CLMP: variants seen among roughly 807,000 people sequenced by gnomAD.
The protein encoded by CLMP is CXADR like cell adhesion molecule, also known as CXADR-like membrane protein.
Under a neutral mutation model 45.2 loss-of-function variants are expected in CLMP, and 27 were observed. That is an observed-to-expected ratio of 0.60 (90% CI 0.44 to 0.82). The LOEUF (loss-of-function observed/expected upper bound fraction) is 0.82, where lower values mean the gene tolerates loss of function less well. Ranked by LOEUF, CLMP falls within the 40% of genes least tolerant of loss-of-function variation. The pLI is 0.00. For missense variants in CLMP, 403 were observed against 448.4 expected (o/e 0.90, Z 0.91); for synonymous variants, 167 against 171.4 (o/e 0.97, Z 0.20).
intron 1 of CLMP, among the ~76,000 whole-genome samples, chr11:123,114,424 T>TTCCCTCCCTCCCCCCC (rs1860690359): frequency 8.0e-6 from 1 of 124,864 alleles, no homozygotes; most frequent in Non-Finnish European, 1.7e-5. Context: ...TGCATTTTCT[T>TTCCCTCCCTCCCCCCC]TCCCTCCCTC....
chr11:123,101,349 C>T (rs562491997), intron 1 of CLMP, among the ~76,000 whole-genome samples: 15 of 152,300 alleles, frequency 9.8e-5, no homozygotes, highest in Non-Finnish European at 2.1e-4. Flanking sequence ...TCAGGTGATC[C>T]GCCTGCCTCG....
intron 1 of CLMP, among the ~76,000 whole-genome samples, chr11:123,146,162 C>A (rs564770390): frequency 6.6e-6 from 1 of 152,292 alleles, no homozygotes; most frequent in South Asian, 2.1e-4. Flanking sequence ...CTCCAGGCAT[C>A]ATTTCTTCTC....
intron 1 of CLMP, among the ~76,000 whole-genome samples, chr11:123,146,386 A>T (rs1861238158): frequency 1.3e-5 from 2 of 152,164 alleles, no homozygotes; most frequent in Admixed American, 1.3e-4. Flanking sequence ...GCACATGTAC[A>T]CACTCAATAA....
At chr11:123,131,788 G>C (rs1274370602) in intron 1 of CLMP, among the ~76,000 whole-genome samples, 6 of 151,916 alleles carry the variant, frequency 3.9e-5, no homozygotes, top group Admixed American at 3.9e-4. Flanking sequence ...GCTAATTTTT[G>C]TATTTTTAGT....
At chr11:123,087,031 T>A (rs1018615608) in intron 2 of CLMP, among the ~76,000 whole-genome samples, 2 of 151,826 alleles carry the variant, frequency 1.3e-5, no homozygotes, top group African/African-American at 4.8e-5. Flanking sequence ...CTGTCTCTAC[T>A]AAAAAATACA....
intron 1 of CLMP, among the ~76,000 whole-genome samples, chr11:123,116,157 G>C (rs146518384): frequency 1.1e-3 from 167 of 151,830 alleles, no homozygotes; most frequent in African/African-American, 3.6e-3. Context: ...CTCTGCTGCC[G>C]TATTCTACTT....
At chr11:123,087,154 A>G (rs1565378642) in intron 2 of CLMP, among the ~76,000 whole-genome samples, 2 of 152,272 alleles carry the variant, frequency 1.3e-5, no homozygotes, top group East Asian at 3.9e-4. Context: ...CCTGACCAAC[A>G]TGGTGAAACC....
intron 1 of CLMP, among the ~76,000 whole-genome samples, chr11:123,104,921 T>C (rs1374819440): frequency 6.6e-6 from 1 of 152,216 alleles, no homozygotes; most frequent in Non-Finnish European, 1.5e-5. Flanking sequence ...AGTGGCAGAA[T>C]TGCAAGTAAG....
At chr11:123,146,104 C>T (rs1861235505) in intron 1 of CLMP, among the ~76,000 whole-genome samples, 1 of 152,212 alleles carries the variant, frequency 6.6e-6, no homozygotes, top group African/African-American at 2.4e-5. Flanking sequence ...ATGGAAAGAT[C>T]AAGTAACTTG....
intron 1 of CLMP, among the ~76,000 whole-genome samples, chr11:123,190,964 T>A (rs1385791092): frequency 1.3e-5 from 2 of 152,244 alleles, no homozygotes; most frequent in African/African-American, 2.4e-5. Context: ...AACTTTGGTT[T>A]CTTCTTCATC....
intron 1 of CLMP, among the ~76,000 whole-genome samples, chr11:123,138,755 G>A (rs1200805195): frequency 6.6e-6 from 1 of 152,136 alleles, no homozygotes; most frequent in African/African-American, 2.4e-5. Flanking sequence ...CCGGGTTCAA[G>A]CAATTTTCCT....
intron 1 of CLMP, among the ~76,000 whole-genome samples, chr11:123,167,339 G>A (rs547471653): frequency 1.6e-4 from 25 of 152,124 alleles, no homozygotes; most frequent in South Asian, 1.2e-3. Context: ...TGGCTGGAAC[G>A]CAGTGGCACG....
rs1266395667 is a variant in CLMP, at chr11:123,187,627, T to C, written c.28+7286A>G. ...GGAGTAATAAGATACAAACCTGGGG[T>C]GAGTAGATGGCCATTCTTAATTAAG... On this transcript the variant is annotated intron_variant, in intron 1 of 6. Coordinates refer to ENST00000448775, the MANE Select transcript of CLMP (RefSeq NM_024769.5). 5.3e-5 allele frequency among the ~76,000 whole-genome samples: 8 copies of C among 152,262 alleles called. 1 individual carries two copies. The highest frequency in any genetic ancestry group is 1.4e-4 in the African/African-American group (6 of 41,542).
rs201793940 is a variant in CLMP, at chr11:123,194,879, C to T, written c.28+34G>A. The stretch of plus-strand genomic sequence containing the variant: ...GACGCAGGGCTGCGTTTGCCCACGG[C>T]CATCCAAACTCCCGCCCTCCCAGAG... On this transcript the variant is annotated intron_variant, in intron 1 of 6. Coordinates refer to ENST00000448775, the MANE Select transcript of CLMP (RefSeq NM_024769.5). 2,171 of 1,612,904 alleles carry T rather than the reference C, an allele frequency of 1.3e-3. 1 individual carries two copies. The highest frequency in any genetic ancestry group is 1.6e-3 in the Non-Finnish European group (1,911 of 1,179,280).
chr11:123,083,588 G>T, intron 4 of CLMP, 92 bp downstream of exon 4: 2 of 1,289,630 alleles, frequency 1.6e-6, no homozygotes, highest in Non-Finnish European at 2.3e-6. Flanking sequence ...GGTATTTCAG[G>T]TCACATAGTG....
intron 1 of CLMP, among the ~76,000 whole-genome samples, chr11:123,181,136 C>A (rs1334697961): frequency 6.6e-6 from 1 of 152,168 alleles, no homozygotes; most frequent in Non-Finnish European, 1.5e-5. Context: ...GAGAGGGAAC[C>A]TACACCTTCT....
chr11:123,082,115 A>G (rs7949583), intron 5 of CLMP, among the ~76,000 whole-genome samples: 101,100 of 152,120 alleles, frequency 0.66, 34,033 homozygotes, highest in African/African-American at 0.78. Flanking sequence ...ATGCACATAC[A>G]CACTCACAAA....
intron 1 of CLMP, among the ~76,000 whole-genome samples, chr11:123,144,533 A>G (rs373646156): frequency 3.1e-4 from 47 of 152,166 alleles, no homozygotes; most frequent in African/African-American, 1.1e-3. Context: ...CACCATGCCC[A>G]CTAATTTTGT....
At position 123,119,879 on chromosome 11, in the gene CLMP, G is replaced by T. The variant is rs376774261; in HGVS notation, c.29-21927C>A. Among the ~76,000 whole-genome samples, 35 of 152,210 alleles carry T rather than the reference G, an allele frequency of 2.3e-4. No homozygotes were observed. The East Asian group carries it at 4.8e-3, about 21-fold the overall frequency. ...TTTTTGTATTTTTATTAGAGACAAG[G>T]TTTCACCATGTTGGCTAGGCTGGTC... On this transcript the variant is annotated intron_variant, in intron 1 of 6. Coordinates refer to ENST00000448775, the MANE Select transcript of CLMP (RefSeq NM_024769.5).
Sources: allele counts gnomAD v4.1 joint callset (sites outside exome capture counted in the v4.1 genomes callset), GRCh38; gene constraint gnomAD v4.1.1; transcripts MANE v1.5; gene names NCBI Gene and HGNC (gene_info 2026-07-23, HGNC 2026-07-21).